Variants in SETBP1 observed in about 807,000 individuals in gnomAD.
SETBP1 encodes SET binding protein 1, also known as SET-binding protein.
In SETBP1, 9 loss-of-function variants were observed where a neutral mutation model predicts 101.0. The observed-to-expected ratio is 0.09, with a 90% CI of 0.05 to 0.16. The LOEUF is 0.16. Among genes scored for constraint, SETBP1 ranks in the 10% least tolerant of loss-of-function variants. The pLI is 1.00. For synonymous variants in SETBP1, 818 were observed against 788.5 expected (o/e 1.04, Z -0.63); for missense variants, 1,858 against 2,033.8 (o/e 0.91, Z 1.66).
chr18:44,881,699 C>T (rs1373590801), intron 3 of SETBP1, among the ~76,000 whole-genome samples: 1 of 152,142 alleles, frequency 6.6e-6, no homozygotes, highest in African/African-American at 2.4e-5. Context: ...ATGTCCTTCG[C>T]TAGATCCAGA....
intron 2 of SETBP1, among the ~76,000 whole-genome samples, chr18:44,721,357 A>G: frequency 6.6e-6 from 1 of 152,200 alleles, no homozygotes; most frequent in Non-Finnish European, 1.5e-5. Flanking sequence ...CAGAGGAAAG[A>G]CTGCATCAAG....
At chr18:44,962,789 A>G (rs2071639186) in intron 4 of SETBP1, among the ~76,000 whole-genome samples, 1 of 152,156 alleles carries the variant, frequency 6.6e-6, no homozygotes, top group South Asian at 2.1e-4. Flanking sequence ...AAGTCCCAAG[A>G]GCTGCCTCTG....
intron 4 of SETBP1, among the ~76,000 whole-genome samples, chr18:45,029,295 C>T (rs1488882635): frequency 6.6e-6 from 1 of 151,968 alleles, no homozygotes; most frequent in Non-Finnish European, 1.5e-5. Flanking sequence ...TTGTTTTTCT[C>T]AGGTTTGTCA....
chr18:44,824,341 C>T (rs1349032235), intron 2 of SETBP1, among the ~76,000 whole-genome samples: 1 of 152,112 alleles, frequency 6.6e-6, no homozygotes, highest in Non-Finnish European at 1.5e-5. Flanking sequence ...TACCCTGATA[C>T]CTGCTTATTT....
chr18:44,874,701 G>T (rs2069356664), intron 3 of SETBP1, among the ~76,000 whole-genome samples: 2 of 152,166 alleles, frequency 1.3e-5, no homozygotes, highest in Admixed American at 1.3e-4. Flanking sequence ...GAGGAGGAAG[G>T]CTCAGTCCTG....
intron 3 of SETBP1, among the ~76,000 whole-genome samples, chr18:44,941,965 C>T (rs1250465475): frequency 6.6e-6 from 1 of 152,076 alleles, no homozygotes; most frequent in African/African-American, 2.4e-5. Flanking sequence ...GTCCCATTTG[C>T]CTGCTTCTTT....
chr18:44,833,102 G>A (rs2072411429), intron 2 of SETBP1, among the ~76,000 whole-genome samples: 1 of 152,182 alleles, frequency 6.6e-6, no homozygotes, highest in Non-Finnish European at 1.5e-5. Flanking sequence ...CACAGGCTGG[G>A]CATGACGTAA....
intron 1 of SETBP1, among the ~76,000 whole-genome samples, chr18:44,696,320 A>G (rs2069017398): frequency 6.6e-6 from 1 of 152,202 alleles, no homozygotes; most frequent in Non-Finnish European, 1.5e-5. Flanking sequence ...GTAATCATAT[A>G]GACCAGGCAC....
chr18:44,726,404 C>T (rs552537924), intron 2 of SETBP1, among the ~76,000 whole-genome samples: 1 of 152,304 alleles, frequency 6.6e-6, no homozygotes, highest in South Asian at 2.1e-4. Flanking sequence ...AAGCCTACTA[C>T]CTGCAAATGT....
At chr18:44,694,604 T>C (rs1285474063) in intron 1 of SETBP1, among the ~76,000 whole-genome samples, 1 of 152,226 alleles carries the variant, frequency 6.6e-6, no homozygotes, top group Non-Finnish European at 1.5e-5. Flanking sequence ...GGCACTAGCT[T>C]CATTGCATCC....
At chr18:44,686,124 G>T (rs770019323) in intron 1 of SETBP1, among the ~76,000 whole-genome samples, 3 of 152,228 alleles carry the variant, frequency 2.0e-5, no homozygotes, top group Non-Finnish European at 4.4e-5. Flanking sequence ...TAATAGCAGC[G>T]TTGCCGCTGT....
At chr18:44,957,211 C>A (rs1291025172) in intron 4 of SETBP1, among the ~76,000 whole-genome samples, 1 of 152,082 alleles carries the variant, frequency 6.6e-6, no homozygotes, top group Non-Finnish European at 1.5e-5. Flanking sequence ...AATGCATAGT[C>A]AGAATGATGC....
intron 4 of SETBP1, among the ~76,000 whole-genome samples, chr18:45,006,351 G>A (rs949089337): frequency 1.3e-5 from 2 of 152,054 alleles, no homozygotes; most frequent in Non-Finnish European, 2.9e-5. Flanking sequence ...TTCCTTGTAG[G>A]TTCGTTCAGA....
chr18:44,915,040 A>G (rs1301829987), intron 3 of SETBP1, among the ~76,000 whole-genome samples: 4 of 152,164 alleles, frequency 2.6e-5, no homozygotes, highest in African/African-American at 7.2e-5. Flanking sequence ...TCATTACTGC[A>G]TCTTAAATAT....
intron 1 of SETBP1, among the ~76,000 whole-genome samples, chr18:44,695,116 G>A (rs2068993905): frequency 6.6e-6 from 1 of 152,134 alleles, no homozygotes; most frequent in African/African-American, 2.4e-5. Flanking sequence ...ACAGATTGGG[G>A]TATGCTCTCC....
intron 2 of SETBP1, among the ~76,000 whole-genome samples, chr18:44,801,659 G>A (rs2071610537): frequency 6.6e-6 from 1 of 152,106 alleles, no homozygotes; most frequent in African/African-American, 2.4e-5. Flanking sequence ...GACTTTTGAA[G>A]GTTGAGATGA....
At chr18:44,965,328 A>C (rs2071699294) in intron 4 of SETBP1, among the ~76,000 whole-genome samples, 1 of 141,358 alleles carries the variant, frequency 7.1e-6, no homozygotes, top group Admixed American at 7.2e-5. Flanking sequence ...ACTCAGAACA[A>C]ATCAAGTTAT....
Position 44,690,449 on chromosome 18 carries a change from G to A in SETBP1, c.-173+9428G>A, listed in dbSNP as rs138313622. 2.6e-5 allele frequency among the ~76,000 whole-genome samples: 4 copies of A among 152,354 alleles called. No homozygotes were observed. The South Asian group carries it at 6.2e-4, about 24-fold the overall frequency. On this transcript the variant is annotated intron_variant, in intron 1 of 5. Coordinates refer to ENST00000649279, the MANE Select transcript of SETBP1 (RefSeq NM_015559.3). ...AGGAATTTGAATTAAAACTGAACAG[G>A]TAGTGAGGTGAAAGAGAACTTTGAA...
At chr18:44,768,064 T>C (rs2070795789) in intron 2 of SETBP1, among the ~76,000 whole-genome samples, 1 of 152,232 alleles carries the variant, frequency 6.6e-6, no homozygotes, top group Admixed American at 6.5e-5. Context: ...TCAAGATTCA[T>C]GCGTCTTTCA....
Sources: gnomAD v4.1 joint callset for allele counts (sites outside exome capture counted in the v4.1 genomes callset) on GRCh38, gnomAD v4.1.1 for gene constraint, MANE v1.5 for transcripts, NCBI Gene and HGNC (gene_info 2026-07-23, HGNC 2026-07-21) for gene names.